VPS13D: variants seen among roughly 807,000 people sequenced by gnomAD.
VPS13D encodes the protein vacuolar protein sorting 13 homolog D, also known as intermembrane lipid transfer protein VPS13D.
A neutral mutation model predicts 461.9 loss-of-function variants in VPS13D; 187 were observed. The ratio of observed to expected loss-of-function variants is 0.40; its 90% CI spans 0.36 to 0.46. VPS13D has a LOEUF of 0.46. VPS13D is among the 20% of genes least tolerant of loss of function. The pLI, the probability that VPS13D is intolerant of heterozygous loss-of-function variation, is 0.60. For missense variants in VPS13D, 4,711 were observed against 5,364.9 expected (o/e 0.88, Z 3.81); for synonymous variants, 1,951 against 1,986.3 (o/e 0.98, Z 0.47).
chr1:12,497,410 A>G, intron 67 of VPS13D, 90 bp from the exon 68 acceptor site: 4 of 1,465,744 alleles, frequency 2.7e-6, no homozygotes, highest in South Asian at 1.3e-5. Context: ...TATGTCTCGT[A>G]TTACAGAGTG....
intron 31 of VPS13D, 21 bp downstream of exon 31, chr1:12,318,358 T>C: frequency 1.9e-6 from 3 of 1,593,718 alleles, no homozygotes; most frequent in Non-Finnish European, 2.6e-6. Flanking sequence ...GTGGGTGTGA[T>C]TCATTGGTGC....
intron 61 of VPS13D, among the ~76,000 whole-genome samples, chr1:12,400,960 GCGCACA>G (rs1346506566): frequency 0.016 from 2,147 of 130,914 alleles, 27 homozygotes; most frequent in South Asian, 0.029. Flanking sequence ...ACCTGCGCGC[GCGCACA>G]CACACACACA....
intron 65 of VPS13D, among the ~76,000 whole-genome samples, chr1:12,438,194 A>T (rs573852808): frequency 6.6e-6 from 1 of 152,168 alleles, no homozygotes; most frequent in Non-Finnish European, 1.5e-5. Flanking sequence ...CCCAGAATTC[A>T]TATGTTGAAA....
chr1:12,438,162 T>C (rs1041760048), intron 65 of VPS13D, among the ~76,000 whole-genome samples: 1 of 152,194 alleles, frequency 6.6e-6, no homozygotes, highest in Non-Finnish European at 1.5e-5. Context: ...AATTTTCTTA[T>C]ACTATGGACT....
Position 12,405,083 on chromosome 1 carries a change from C to T in VPS13D, c.12030+1110C>T, listed in dbSNP as rs143019703. Among the ~76,000 whole-genome samples, 1,511 of 152,322 alleles carry T rather than the reference C, an allele frequency of 9.9e-3. 28 individuals carry two copies. Among genetic ancestry groups the T allele is most frequent in the African/African-American group, 0.034 (1,419 of 41,566 alleles). On this transcript the variant is annotated intron_variant, in intron 63 of 69. Coordinates refer to ENST00000620676, the MANE Select transcript of VPS13D (RefSeq NM_015378.4). ...AGTCTAGGGTCCTAACGTAGATGCC[C>T]GCAGGAGCTGCGCTGGCGATGCAGC...
intron 50 of VPS13D, among the ~76,000 whole-genome samples, chr1:12,361,490 G>A (rs1281623683): frequency 1.3e-5 from 2 of 149,036 alleles, no homozygotes; most frequent in Admixed American, 1.3e-4. Context: ...CCGCCTCCCG[G>A]GTCCACGCCA....
At chr1:12,386,063 G>A (rs1460279711) in intron 59 of VPS13D, 122 bp from the exon 60 acceptor site, 2 of 1,183,422 alleles carry the variant, frequency 1.7e-6, no homozygotes, top group Non-Finnish European at 2.3e-6. Flanking sequence ...CCCCTAAGTG[G>A]TTTTCATCTG....
At chr1:12,313,190 C>T (rs1366662789) in intron 29 of VPS13D, among the ~76,000 whole-genome samples, 1 of 151,434 alleles carries the variant, frequency 6.6e-6, no homozygotes, top group African/African-American at 2.4e-5. Flanking sequence ...GTTAGTCTTT[C>T]TGTTGAAAGT....
intron 67 of VPS13D, among the ~76,000 whole-genome samples, chr1:12,474,518 G>A (rs1461971261): frequency 3.3e-5 from 5 of 151,872 alleles, no homozygotes; most frequent in African/African-American, 7.3e-5. Flanking sequence ...AGGGCTAAGC[G>A]TTTAAGAGGA....
intron 65 of VPS13D, 70 bp from the exon 66 acceptor site, chr1:12,455,928 T>C: frequency 6.6e-7 from 1 of 1,505,990 alleles, no homozygotes; most frequent in South Asian, 1.4e-5. Flanking sequence ...TAAATTTATT[T>C]AAAGTAATTC....
At chr1:12,268,489 A>G (rs1016042689) in intron 15 of VPS13D, among the ~76,000 whole-genome samples, 1 of 151,840 alleles carries the variant, frequency 6.6e-6, no homozygotes, top group African/African-American at 2.4e-5. Context: ...GGTTTCCATG[A>G]TATGGGAGCT....
At chr1:12,443,299 T>C (rs1444216776) in intron 65 of VPS13D, among the ~76,000 whole-genome samples, 1 of 152,272 alleles carries the variant, frequency 6.6e-6, no homozygotes, top group East Asian at 1.9e-4. Context: ...CATGTTGATA[T>C]ATGTAGCTGT....
intron 13 of VPS13D, among the ~76,000 whole-genome samples, chr1:12,264,251 A>G (rs552524406): frequency 6.6e-6 from 1 of 152,322 alleles, no homozygotes; most frequent in South Asian, 2.1e-4. Flanking sequence ...CAATGTTGAA[A>G]TTGGGCTAAT....
chr1:12,246,854 T>C (rs745311859), intron 5 of VPS13D, among the ~76,000 whole-genome samples: 2 of 152,198 alleles, frequency 1.3e-5, no homozygotes, highest in Admixed American at 6.5e-5. Context: ...TCTCAGGACA[T>C]ACGACATTTT....
rs183258488 is a variant in VPS13D, at chr1:12,455,801, C to G, written c.12334-197C>G. On this transcript the variant is annotated intron_variant, in intron 65 of 69. Transcript: ENST00000620676. Reference sequence around the variant, plus strand: ...AGGTGTGGTGGTACACACCTGTAGTCTCAGCTACTCGGGAGCCTGAGGCAG... The same window carrying G: ...AGGTGTGGTGGTACACACCTGTAGTGTCAGCTACTCGGGAGCCTGAGGCAG... Among the ~76,000 whole-genome samples the G allele has an allele frequency of 9.9e-4, 151 of 152,196 alleles. 1 individual carries two copies. Among genetic ancestry groups the G allele is most frequent in the African/African-American group, 3.6e-3 (148 of 41,522 alleles).
intron 3 of VPS13D, 116 bp from the exon 4 acceptor site, chr1:12,244,130 A>T (rs1183850266): frequency 9.0e-6 from 9 of 1,002,222 alleles, no homozygotes; most frequent in South Asian, 5.6e-5. Context: ...TGTTTTAAAT[A>T]AAAAAAAGTA....
rs760082271 is a variant in VPS13D, at chr1:12,373,755, A to G, written c.10814A>G (p.Gln3605Arg). The change falls in exon 55 of 70, where the codon CAG becomes CGG. Residue 3605 changes from glutamine (Q) to arginine (R), a missense_variant. Around this residue, in one of 3 missense-constraint regions of VPS13D, gnomAD observed 4,411 missense variants for 4,937.8 expected, o/e 0.89. Transcript: ENST00000620676. ...ATATATTTTTTAAATTCTAGCTTGC[A>G]GGAGGGAACAGGCAGGCCTGTGGCT... is the stretch of plus-strand genomic sequence containing the variant. ...IAATYTFSGL[Q>R]EGTGRPVASN... 2 of 1,493,488 alleles carry G rather than the reference A, an allele frequency of 1.3e-6. No individual in the cohort carries two copies. Among genetic ancestry groups the G allele is most frequent in the South Asian group, 2.9e-5 (2 of 69,068 alleles). The allele number at this position is 1,493,488 out of a possible 1,614,324, so 92.5% of individuals were successfully genotyped here.
chr1:12,351,741 A>G (rs1643800873), intron 46 of VPS13D, among the ~76,000 whole-genome samples: 1 of 148,916 alleles, frequency 6.7e-6, no homozygotes, highest in Non-Finnish European at 1.5e-5. Flanking sequence ...ACAGGCACCC[A>G]CCACCACAAC....
intron 60 of VPS13D, among the ~76,000 whole-genome samples, chr1:12,391,237 G>A (rs988292350): frequency 1.3e-5 from 2 of 152,194 alleles, no homozygotes; most frequent in African/African-American, 4.8e-5. Context: ...TGTCCTTCGG[G>A]GATGTCCTAG....
Sources: gnomAD v4.1 joint callset for allele counts (sites outside exome capture counted in the v4.1 genomes callset) on GRCh38, gnomAD v4.1.1 for gene constraint, gnomAD v4.1.1 regional missense constraint, MANE v1.5 for transcripts, NCBI Gene and HGNC (gene_info 2026-07-23, HGNC 2026-07-21) for gene names.